SCN8A: variants seen among roughly 807,000 people sequenced by gnomAD.
The protein encoded by SCN8A is sodium channel protein type 8 subunit alpha.
In SCN8A, 30 loss-of-function variants were observed where a neutral mutation model predicts 184.1. That is an observed-to-expected ratio of 0.16 (90% CI 0.12 to 0.22). The LOEUF (loss-of-function observed/expected upper bound fraction) is 0.22. Among genes scored for constraint, SCN8A ranks in the 10% least tolerant of loss-of-function variants. The pLI is 1.00. For synonymous variants in SCN8A, 852 were observed against 907.0 expected, an observed-to-expected ratio of 0.94 and a Z score of 1.09; for missense variants, 1,057 against 2,498.9, an observed-to-expected ratio of 0.42 and a Z score of 12.30.
At chr12:51,746,395 A>G (rs1389919363) in intron 13 of SCN8A, among the ~76,000 whole-genome samples, 2 of 152,178 alleles carry the variant, frequency 1.3e-5, no homozygotes, top group Non-Finnish European at 2.9e-5. Context: ...AAGATACAAA[A>G]TCATAGAATT....
At chr12:51,756,783 C>G (rs1565913044) in intron 14 of SCN8A, among the ~76,000 whole-genome samples, 1 of 152,218 alleles carries the variant, frequency 6.6e-6, no homozygotes, top group Non-Finnish European at 1.5e-5. Context: ...AGCAGCCTCC[C>G]TCTACCGGCA....
chr12:51,795,815 C>T (rs557950123), intron 26 of SCN8A, among the ~76,000 whole-genome samples: 2 of 149,876 alleles, frequency 1.3e-5, no homozygotes, highest in Admixed American at 6.7e-5. Context: ...GGAGGCAAGG[C>T]GGGCAGACAA....
At chr12:51,661,049 A>T (rs931491337) in intron 1 of SCN8A, among the ~76,000 whole-genome samples, 2 of 152,208 alleles carry the variant, frequency 1.3e-5, no homozygotes, top group Non-Finnish European at 2.9e-5. Flanking sequence ...GTAGTGGGAC[A>T]TAGCAAAGGA....
At chr12:51,734,602 A>C (rs1256213879) in intron 12 of SCN8A, among the ~76,000 whole-genome samples, 2 of 152,176 alleles carry the variant, frequency 1.3e-5, no homozygotes, top group Non-Finnish European at 2.9e-5. Flanking sequence ...ACAACCTTCC[A>C]GCTTGGGTGT....
At chr12:51,731,088 A>G (rs12423289) in intron 12 of SCN8A, among the ~76,000 whole-genome samples, 1,606 of 152,312 alleles carry the variant, frequency 0.011, 69 homozygotes, top group Admixed American at 0.067. Context: ...GTGTCTAAGT[A>G]CCACATTTTC....
At chr12:51,682,013 A>G (rs1170674059) in intron 2 of SCN8A, among the ~76,000 whole-genome samples, 2 of 152,026 alleles carry the variant, frequency 1.3e-5, no homozygotes, top group East Asian at 3.9e-4. Flanking sequence ...AAGGACCTCT[A>G]TTACTAGTTT....
In SCN8A at chr12:51,774,191, C is replaced by T. The variant is rs550365847; in HGVS notation, c.3648C>T (p.Ala1216=). The stretch of plus-strand genomic sequence containing the variant: ...GGCAGCTGCTGCCTCTCTTTTAGGC[C>T]TTCGAGGACATCTACATTGAGCAGA... ...FMILLSSGAL[A]FEDIYIEQRK... Residue 1216 remains alanine, a splice_region_variant and synonymous_variant, in exon 20 of 27, where the codon GCC becomes GCT. Coordinates refer to ENST00000627620, the MANE Select transcript of SCN8A (RefSeq NM_001330260.2). The T allele has an allele frequency of 6.2e-7, 1 of 1,613,276 alleles. No individual in the cohort carries two copies. Among genetic ancestry groups the T allele is most frequent in the South Asian group, 1.1e-5 (1 of 90,998 alleles).
At chr12:51,595,919 C>T (rs989497896) in intron 1 of SCN8A, among the ~76,000 whole-genome samples, 1 of 152,212 alleles carries the variant, frequency 6.6e-6, no homozygotes. Context: ...TACAATTGCT[C>T]TGCTGGCTTC....
chr12:51,779,911 G>A lies in SCN8A; in HGVS notation c.3820-738G>A, dbSNP rs370938201. On this transcript the variant is annotated intron_variant, in intron 20 of 26. Transcript: ENST00000627620. ...CCTGGTTGTAGTTAAAAGTCAGAAG[G>A]TTATTTTAGTTAAAAGTGAGAGATA... Among the ~76,000 whole-genome samples the A allele has an allele frequency of 5.9e-5, 9 of 152,092 alleles. No individual in the cohort carries two copies. In the East Asian group the frequency reaches 1.2e-3, roughly 20 times the overall value.
chr12:51,712,458 G>A (rs1246519150), intron 11 of SCN8A: 1 of 767,320 alleles, frequency 1.3e-6, no homozygotes, highest in Non-Finnish European at 2.4e-6. Context: ...CTTTTCTGCT[G>A]TTTTTAGAAC....
chr12:51,655,220 T>C (rs943945407), intron 1 of SCN8A, among the ~76,000 whole-genome samples: 5 of 152,166 alleles, frequency 3.3e-5, no homozygotes, highest in Non-Finnish European at 5.9e-5. Context: ...CTGGAGTGTT[T>C]GCTTTAACAG....
At chr12:51,603,270 A>G (rs969195969) in intron 1 of SCN8A, among the ~76,000 whole-genome samples, 1 of 152,232 alleles carries the variant, frequency 6.6e-6, no homozygotes, top group African/African-American at 2.4e-5. Flanking sequence ...ATCATACTAC[A>G]CTATATAACC....
At chr12:51,668,194 A>G (rs999843935) in intron 2 of SCN8A, among the ~76,000 whole-genome samples, 26 of 152,050 alleles carry the variant, frequency 1.7e-4, no homozygotes, top group Non-Finnish European at 3.7e-4. Flanking sequence ...AAAAAAAAAA[A>G]AAAAAATTAT....
chr12:51,618,264 A>C (rs1264832342), intron 1 of SCN8A, among the ~76,000 whole-genome samples: 1 of 152,012 alleles, frequency 6.6e-6, no homozygotes, highest in East Asian at 1.9e-4. Context: ...AACTACTGTG[A>C]GGTAGGGCAG....
intron 1 of SCN8A, among the ~76,000 whole-genome samples, chr12:51,644,682 C>T (rs565099612): frequency 5.9e-5 from 9 of 152,222 alleles, no homozygotes; most frequent in African/African-American, 2.2e-4. Flanking sequence ...AGGAGCGTCT[C>T]CGCCTGGCCG....
Position 51,746,142 on chromosome 12 carries a change from A to T in SCN8A, c.2131+107A>T, listed in dbSNP as rs143715595. ...CTGAGTTTTGCAAAGACTGTCTCTG[A>T]GCTTTAGGAATGGAACGTATTCCTA... On this transcript the variant is annotated intron_variant, in intron 13 of 26. Transcript: ENST00000627620. 1.7e-3 allele frequency: 1,833 copies of T among 1,065,312 alleles called. 18 individuals carry two copies. In the African/African-American group the frequency reaches 0.019, roughly 11 times the overall value. 66.0% of individuals were successfully genotyped at this position (1,065,312 alleles called of 1,614,324 possible). A position where few individuals can be genotyped will look rare whatever the true frequency, so the allele number is the denominator to read the frequency against.
At chr12:51,774,090 A>G in intron 19 of SCN8A, 99 bp from the exon 20 acceptor site, 1 of 995,028 alleles carries the variant, frequency 1.0e-6, no homozygotes, top group Non-Finnish European at 1.5e-6. Context: ...AGCTGATGAC[A>G]GGCCAGCCCA....
chr12:51,691,375 T>C (rs1195793722), intron 6 of SCN8A, among the ~76,000 whole-genome samples: 2 of 152,182 alleles, frequency 1.3e-5, no homozygotes, highest in Non-Finnish European at 2.9e-5. Context: ...AGATAACTCT[T>C]GATTGGTGTC....
chr12:51,733,486 T>C (rs1174512547), intron 12 of SCN8A, among the ~76,000 whole-genome samples: 1 of 152,066 alleles, frequency 6.6e-6, no homozygotes, highest in African/African-American at 2.4e-5. Context: ...TTTGGAAATG[T>C]ATTTTTGCAT....
Sources: gnomAD v4.1 joint callset for allele counts (sites outside exome capture counted in the v4.1 genomes callset) on GRCh38, gnomAD v4.1.1 for gene constraint, MANE v1.5 for transcripts, NCBI Gene and HGNC (gene_info 2026-07-23, HGNC 2026-07-21) for gene names.